Variants in GALNTL6 observed in about 807,000 individuals in gnomAD.
The protein encoded by GALNTL6 is polypeptide N-acetylgalactosaminyltransferase-like 6.
Under a neutral mutation model 73.7 loss-of-function variants are expected in GALNTL6, and 46 were observed. The observed-to-expected ratio is 0.62, with a 90% confidence interval of 0.49 to 0.80. GALNTL6 has a LOEUF of 0.80. GALNTL6 is among the 30% of genes least tolerant of loss of function. The pLI is 0.00. For missense variants in GALNTL6, 604 were observed against 755.0 expected, an observed-to-expected ratio of 0.80 and a Z score of 2.34; for synonymous variants, 259 against 263.7, an observed-to-expected ratio of 0.98 and a Z score of 0.17.
intron 2 of GALNTL6, among the ~76,000 whole-genome samples, chr4:171,932,345 G>A (rs970878819): frequency 5.9e-5 from 9 of 151,990 alleles, no homozygotes; most frequent in Admixed American, 2.0e-4. Context: ...CTTTTTTTCC[G>A]TAGTCAACAA....
At chr4:172,755,341 A>G (rs1243937110) in intron 5 of GALNTL6, among the ~76,000 whole-genome samples, 4 of 152,092 alleles carry the variant, frequency 2.6e-5, no homozygotes. Context: ...AAAAAAAAAA[A>G]ATTCACTTGC....
chr4:172,159,679 G>C (rs562925960), intron 2 of GALNTL6, among the ~76,000 whole-genome samples: 1 of 152,254 alleles, frequency 6.6e-6, no homozygotes, highest in Admixed American at 6.5e-5. Context: ...GTTAAGTGAG[G>C]TCAAAATCAC....
intron 5 of GALNTL6, among the ~76,000 whole-genome samples, chr4:172,634,551 A>G (rs1004576048): frequency 7.2e-5 from 11 of 152,066 alleles, no homozygotes; most frequent in African/African-American, 2.2e-4. Context: ...AGGCACTTCA[A>G]CTTTTGATCT....
chr4:172,890,493 G>T (rs1413572775), intron 8 of GALNTL6, among the ~76,000 whole-genome samples: 1 of 152,094 alleles, frequency 6.6e-6, no homozygotes, highest in African/African-American at 2.4e-5. Flanking sequence ...CCATGTAATT[G>T]TGTGGTTTTG....
At chr4:172,605,036 C>T (rs1363274652) in intron 5 of GALNTL6, among the ~76,000 whole-genome samples, 4 of 152,146 alleles carry the variant, frequency 2.6e-5, no homozygotes, top group Non-Finnish European at 2.9e-5. Flanking sequence ...TGTGAAAGCA[C>T]AGATATTAGC....
At chr4:171,966,928 T>C (rs915664657) in intron 2 of GALNTL6, among the ~76,000 whole-genome samples, 1 of 152,164 alleles carries the variant, frequency 6.6e-6, no homozygotes, top group Non-Finnish European at 1.5e-5. Context: ...TCTTGAGAAA[T>C]TATTCTTGAA....
chr4:172,501,416 G>T (rs1437209517), intron 5 of GALNTL6, among the ~76,000 whole-genome samples: 2 of 152,078 alleles, frequency 1.3e-5, no homozygotes, highest in Non-Finnish European at 2.9e-5. Flanking sequence ...TTGTGGATAT[G>T]TAAAATGGAC....
chr4:171,951,315 G>A (rs1190965110), intron 2 of GALNTL6, among the ~76,000 whole-genome samples: 2 of 151,972 alleles, frequency 1.3e-5, no homozygotes, highest in Non-Finnish European at 2.9e-5. Flanking sequence ...CTTTAAACAA[G>A]CTAGAAATAT....
intron 10 of GALNTL6, among the ~76,000 whole-genome samples, chr4:173,004,636 C>CTAAA (rs1752193925): frequency 6.6e-6 from 1 of 152,016 alleles, no homozygotes; most frequent in Admixed American, 6.6e-5. Context: ...AACTAACTAA[C>CTAAA]TAACTAAATA....
At chr4:172,926,362 T>A (rs1748059708) in intron 8 of GALNTL6, among the ~76,000 whole-genome samples, 1 of 152,150 alleles carries the variant, frequency 6.6e-6, no homozygotes, top group East Asian at 1.9e-4. Flanking sequence ...AAACATTCAA[T>A]CCATAACAGA....
intron 5 of GALNTL6, among the ~76,000 whole-genome samples, chr4:172,782,284 C>T (rs1739409714): frequency 6.6e-6 from 1 of 152,130 alleles, no homozygotes; most frequent in African/African-American, 2.4e-5. Context: ...TTAAACTTTC[C>T]TTTGAGAAAA....
intron 2 of GALNTL6, among the ~76,000 whole-genome samples, chr4:171,958,710 T>A (rs17057759): frequency 0.41 from 63,005 of 151,958 alleles, 16,085 homozygotes; most frequent in Admixed American, 0.56. Flanking sequence ...ATCTTCCTCT[T>A]TGTGATTGAA....
At chr4:171,892,161 C>T (rs1736780024) in intron 2 of GALNTL6, among the ~76,000 whole-genome samples, 1 of 152,118 alleles carries the variant, frequency 6.6e-6, no homozygotes, top group Non-Finnish European at 1.5e-5. Context: ...AGACCTGATT[C>T]CTATCCCCAA....
chr4:172,064,032 A>G (rs745920437), intron 2 of GALNTL6, among the ~76,000 whole-genome samples: 9 of 152,190 alleles, frequency 5.9e-5, no homozygotes, highest in Non-Finnish European at 1.2e-4. Flanking sequence ...ACTAGTTTAT[A>G]TAATGGTTCT....
intron 4 of GALNTL6, among the ~76,000 whole-genome samples, chr4:172,319,908 G>A (rs946568352): frequency 3.3e-5 from 5 of 152,164 alleles, no homozygotes; most frequent in Non-Finnish European, 7.3e-5. Flanking sequence ...AAAGGAATTT[G>A]TGGTATCTGA....
At chr4:171,824,684 A>G (rs886448802) in intron 2 of GALNTL6, among the ~76,000 whole-genome samples, 2 of 152,170 alleles carry the variant, frequency 1.3e-5, no homozygotes, top group Admixed American at 1.3e-4. Context: ...ACTTTCTTTC[A>G]TGAACCATCA....
In GALNTL6 at chr4:172,692,251, A is replaced by T. The variant is rs561859327; in HGVS notation, c.554-117110A>T. Reference sequence around the variant, plus strand: ...ACTTTCTAATATCAAGTATTTCACAATTGTGTGACATTTTGACTATTTGCA... The same window carrying T: ...ACTTTCTAATATCAAGTATTTCACATTTGTGTGACATTTTGACTATTTGCA... On this transcript the variant is annotated intron_variant, in intron 5 of 12. Coordinates refer to ENST00000506823, the MANE Select transcript of GALNTL6 (RefSeq NM_001034845.3). 1.5e-3 allele frequency among the ~76,000 whole-genome samples: 221 copies of T among 152,198 alleles called. 3 individuals are homozygous for T. The highest frequency in any genetic ancestry group is 5.3e-4 in the Non-Finnish European group (36 of 67,994).
intron 5 of GALNTL6, among the ~76,000 whole-genome samples, chr4:172,382,141 G>T (rs940525852): frequency 9.2e-5 from 14 of 152,128 alleles, no homozygotes; most frequent in Non-Finnish European, 1.5e-4. Context: ...CTAATTTTTG[G>T]AGTTTTAGTA....
chr4:172,387,526 A>G (rs1301203684), intron 5 of GALNTL6, among the ~76,000 whole-genome samples: 1 of 152,046 alleles, frequency 6.6e-6, no homozygotes, highest in African/African-American at 2.4e-5. Flanking sequence ...AAGATACCTT[A>G]TACCCAATGA....
Sources: gnomAD v4.1 joint callset for allele counts (sites outside exome capture counted in the v4.1 genomes callset) on GRCh38, gnomAD v4.1.1 for gene constraint, MANE v1.5 for transcripts, NCBI Gene and HGNC (gene_info 2026-07-23, HGNC 2026-07-21) for gene names.